Variants in PHLDB2 observed in about 807,000 individuals in gnomAD.
PHLDB2 encodes pleckstrin homology-like domain family B member 2.
A neutral mutation model predicts 123.6 loss-of-function variants in PHLDB2; 71 were observed. The ratio of observed to expected loss-of-function variants is 0.57; its 90% confidence interval spans 0.47 to 0.70. The LOEUF is 0.70. Among genes scored for constraint, PHLDB2 ranks in the 30% least tolerant of loss-of-function variants. PHLDB2 has a pLI of 0.00. For synonymous variants in PHLDB2, 547 were observed against 541.6 expected, an observed-to-expected ratio of 1.01 and a Z score of -0.14; for missense variants, 1,446 against 1,519.5, an observed-to-expected ratio of 0.95 and a Z score of 0.80.
At chr3:111,927,170 G>A (rs2068861715) in intron 5 of PHLDB2, among the ~76,000 whole-genome samples, 1 of 152,112 alleles carries the variant, frequency 6.6e-6, no homozygotes, top group Non-Finnish European at 1.5e-5. Flanking sequence ...AAGCCACAGG[G>A]TTTAGGAACA....
At chr3:111,949,178 G>A (rs1251916544) in intron 10 of PHLDB2, 103 bp downstream of exon 10, 1 of 1,354,948 alleles carries the variant, frequency 7.4e-7, no homozygotes, top group African/African-American at 1.4e-5. Context: ...CATGACAAAT[G>A]TATATCTGTT....
intron 2 of PHLDB2, among the ~76,000 whole-genome samples, chr3:111,910,869 G>A (rs957561187): frequency 6.6e-6 from 1 of 152,222 alleles, no homozygotes; most frequent in Non-Finnish European, 1.5e-5. Flanking sequence ...GGGCCAGTGT[G>A]TCTCAGTGCA....
intron 1 of PHLDB2, among the ~76,000 whole-genome samples, chr3:111,869,754 G>T (rs545628284): frequency 1.3e-4 from 20 of 152,220 alleles, no homozygotes; most frequent in African/African-American, 4.8e-4. Flanking sequence ...AGGATTTACA[G>T]CTGCCTGTTG....
intron 2 of PHLDB2, among the ~76,000 whole-genome samples, chr3:111,898,178 G>GTT (rs1553747078): frequency 0.046 from 4,440 of 96,016 alleles, 218 homozygotes; most frequent in African/African-American, 0.12. Context: ...GTGTGTGTGT[G>GTT]TGTTTGTGTG....
At chr3:111,737,420 G>A (rs182486139) in intron 1 of PHLDB2, among the ~76,000 whole-genome samples, 1 of 152,180 alleles carries the variant, frequency 6.6e-6, no homozygotes, top group Non-Finnish European at 1.5e-5. Context: ...TTTGGGCAGT[G>A]ATCAAGCAGA....
chr3:111,813,040 A>G (rs950972184), intron 1 of PHLDB2, among the ~76,000 whole-genome samples: 3 of 152,238 alleles, frequency 2.0e-5, no homozygotes, highest in African/African-American at 7.2e-5. Context: ...GGCTTCAATA[A>G]TCAAAATCTA....
rs139566011 is a variant in PHLDB2 at position 111,843,047 on chromosome 3, C to T, written c.-48-2774C>T. Among the ~76,000 whole-genome samples the T allele has an allele frequency of 7.2e-3, 1,100 of 152,262 alleles. 9 individuals carry two copies. Among genetic ancestry groups the T allele is most frequent in the African/African-American group, 0.024 (1,004 of 41,558 alleles). On this transcript the variant is annotated intron_variant, in intron 1 of 17. Transcript: ENST00000393923. ...TTCCATTTTTTGCTATTACAAATAA[C>T]GACACCATGAACATTTACATATGAG...
rs776141864 is a variant in PHLDB2 at position 111,920,373 on chromosome 3, G to A, written c.1955G>A (p.Arg652Gln). ...KEKEILDHLN[R>Q]KIAELEKNIV... Reference sequence around the variant, plus strand: ...AAGGAGATTTTGGATCATCTAAACCGGAAAATAGCTGAACTGGAAAAGAAC... The same window carrying A: ...AAGGAGATTTTGGATCATCTAAACCAGAAAATAGCTGAACTGGAAAAGAAC... The change falls in exon 5 of 18, where the codon CGG becomes CAG. Residue 652 changes from arginine (R) to glutamine (Q), a missense_variant. Arg to Gln is a conservative substitution (Grantham distance 43). This residue lies in a region of PHLDB2 where 832 missense variants were observed against 831.9 expected (regional missense o/e 1.00). Transcript: ENST00000431670. The A allele has an allele frequency of 1.1e-5, 17 of 1,613,730 alleles. No individual in the cohort carries two copies. Among genetic ancestry groups the A allele is most frequent in the South Asian group, 3.3e-5 (3 of 91,006 alleles).
intron 1 of PHLDB2, among the ~76,000 whole-genome samples, chr3:111,814,953 G>T (rs1434965533): frequency 6.6e-6 from 1 of 152,186 alleles, no homozygotes; most frequent in East Asian, 1.9e-4. Context: ...GAACCTGGTG[G>T]GAGGTGATTG....
At position 111,748,287 on chromosome 3, in the gene PHLDB2, G is replaced by C. The variant is rs977567006; in HGVS notation, c.-49+15584G>C. ...AGAGGCACCAACCTTAATCTCTAAA[G>C]GTTCACTGGAAATTTGCATTACTCA... is the stretch of plus-strand genomic sequence containing the variant. On this transcript the variant is annotated intron_variant, in intron 1 of 17. Transcript: ENST00000393923. Among the ~76,000 whole-genome samples the C allele has an allele frequency of 3.3e-5, 5 of 152,246 alleles. No homozygotes were observed. In the East Asian group the frequency reaches 9.6e-4, roughly 29 times the overall value.
intron 1 of PHLDB2, among the ~76,000 whole-genome samples, chr3:111,777,328 T>TA (rs1445795170): frequency 3.3e-5 from 5 of 152,168 alleles, no homozygotes. Flanking sequence ...TATGATCTTC[T>TA]AAATAAGGAT....
chr3:111,758,485 C>T (rs1488828403), intron 1 of PHLDB2, among the ~76,000 whole-genome samples: 1 of 152,136 alleles, frequency 6.6e-6, no homozygotes, highest in African/African-American at 2.4e-5. Flanking sequence ...GGGAGTGACC[C>T]GATTTTCCAG....
At chr3:111,762,481 G>A (rs777518633) in intron 1 of PHLDB2, among the ~76,000 whole-genome samples, 1 of 152,074 alleles carries the variant, frequency 6.6e-6, no homozygotes, top group Non-Finnish European at 1.5e-5. Flanking sequence ...TTGCCCAAGG[G>A]CATCCTAGGG....
At chr3:111,926,565 T>G (rs759893983) in intron 5 of PHLDB2, among the ~76,000 whole-genome samples, 11 of 148,972 alleles carry the variant, frequency 7.4e-5, no homozygotes, top group Non-Finnish European at 1.3e-4. Context: ...TTTGATTACA[T>G]AAGTCCTGAG....
chr3:111,933,472 A>G (rs918324217), intron 6 of PHLDB2, among the ~76,000 whole-genome samples: 2 of 152,268 alleles, frequency 1.3e-5, no homozygotes, highest in African/African-American at 2.4e-5. Context: ...TTTTCAATGT[A>G]TTGCAGAAGT....
chr3:111,859,985 G>C, intron 1 of PHLDB2: 4 of 850,948 alleles, frequency 4.7e-6, no homozygotes, highest in Non-Finnish European at 5.7e-6. Context: ...TGGGTGGGTG[G>C]GGGTGGCGAA....
intron 4 of PHLDB2, 55 bp from the exon 5 acceptor site, chr3:111,920,227 A>G: frequency 6.4e-7 from 1 of 1,573,034 alleles, no homozygotes; most frequent in Non-Finnish European, 8.6e-7. Context: ...TAGGGTGGTC[A>G]GTTGAGAATA....
intron 1 of PHLDB2, among the ~76,000 whole-genome samples, chr3:111,867,813 C>G (rs1159120322): frequency 6.6e-6 from 1 of 151,122 alleles, no homozygotes; most frequent in African/African-American, 2.4e-5. Context: ...CTGATCCTCT[C>G]ACCTCAACCT....
intron 1 of PHLDB2, among the ~76,000 whole-genome samples, chr3:111,740,058 G>A (rs2059577639): frequency 6.6e-6 from 1 of 152,078 alleles, no homozygotes; most frequent in Non-Finnish European, 1.5e-5. Context: ...TATGAGAGAA[G>A]GCAGCCCGGG....
Sources: gnomAD v4.1 joint callset for allele counts (sites outside exome capture counted in the v4.1 genomes callset) on GRCh38, gnomAD v4.1.1 for gene constraint, gnomAD v4.1.1 regional missense constraint, MANE v1.5 for transcripts, NCBI Gene and HGNC (gene_info 2026-07-23, HGNC 2026-07-21) for gene names.